LRRTM4: variants seen among roughly 807,000 people sequenced by gnomAD.
LRRTM4 encodes the protein leucine rich repeat transmembrane neuronal 4, also known as leucine-rich repeat transmembrane neuronal protein 4.
In LRRTM4, 25 loss-of-function variants were observed where a neutral mutation model predicts 47.6. The observed-to-expected ratio is 0.53, with a 90% CI of 0.38 to 0.73. The LOEUF is 0.73. Ranked by LOEUF, LRRTM4 falls within the 30% of genes least tolerant of loss-of-function variation. LRRTM4 has a pLI of 0.00. For missense variants in LRRTM4, 638 were observed against 713.4 expected, an observed-to-expected ratio of 0.89 and a Z score of 1.20; for synonymous variants, 311 against 269.5, an observed-to-expected ratio of 1.15 and a Z score of -1.51.
intron 3 of LRRTM4, among the ~76,000 whole-genome samples, chr2:77,173,290 C>T (rs903061263): frequency 1.3e-5 from 2 of 152,108 alleles, no homozygotes; most frequent in Admixed American, 1.3e-4. Flanking sequence ...CAGTAAAATA[C>T]CATCTCAAGA....
chr2:77,370,466 A>T (rs1672618350), intron 3 of LRRTM4, among the ~76,000 whole-genome samples: 1 of 151,768 alleles, frequency 6.6e-6, no homozygotes, highest in African/African-American at 2.4e-5. Context: ...TGAGGAAAAT[A>T]GAGCATTGTT....
intron 3 of LRRTM4, among the ~76,000 whole-genome samples, chr2:76,907,936 C>G (rs1016557266): frequency 2.0e-5 from 3 of 149,438 alleles, no homozygotes; most frequent in Non-Finnish European, 4.4e-5. Flanking sequence ...TGGTACCATT[C>G]CTTCTGAAAC....
intron 3 of LRRTM4, among the ~76,000 whole-genome samples, chr2:76,843,471 G>C (rs1466022510): frequency 6.6e-6 from 1 of 152,126 alleles, no homozygotes. Context: ...GGAGCAAAAG[G>C]TCAGTTGCTT....
intron 3 of LRRTM4, among the ~76,000 whole-genome samples, chr2:76,856,687 T>TA (rs1294564312): frequency 9.9e-5 from 15 of 152,242 alleles, no homozygotes; most frequent in Admixed American, 6.5e-4. Flanking sequence ...TTATTGCCAT[T>TA]AAAAATAGCT....
chr2:77,263,063 G>A (rs1334959213), intron 3 of LRRTM4, among the ~76,000 whole-genome samples: 1 of 152,008 alleles, frequency 6.6e-6, no homozygotes. Context: ...AGGAGACAGG[G>A]GCTGAAGGTT....
At chr2:76,798,394 G>T (rs1031908960) in intron 3 of LRRTM4, among the ~76,000 whole-genome samples, 1 of 151,714 alleles carries the variant, frequency 6.6e-6, no homozygotes, top group Non-Finnish European at 1.5e-5. Context: ...GATGTTCTTT[G>T]AAACCAACGA....
At chr2:77,331,722 A>AC (rs1553429821) in intron 3 of LRRTM4, among the ~76,000 whole-genome samples, 1 of 151,924 alleles carries the variant, frequency 6.6e-6, no homozygotes, top group African/African-American at 2.4e-5. Context: ...GAGGTTCTAG[A>AC]TTTTTCCATC....
chr2:77,255,541 T>C (rs1292684892), intron 3 of LRRTM4, among the ~76,000 whole-genome samples: 2 of 151,924 alleles, frequency 1.3e-5, no homozygotes, highest in Admixed American at 6.6e-5. Flanking sequence ...CTTCAAAATA[T>C]TGAAACACAT....
intron 3 of LRRTM4, among the ~76,000 whole-genome samples, chr2:77,034,151 T>C (rs1474367144): frequency 6.6e-6 from 1 of 151,858 alleles, no homozygotes; most frequent in Non-Finnish European, 1.5e-5. Flanking sequence ...TTTTCAAAAT[T>C]TGGAAAATTT....
At chr2:76,897,473 G>A (rs1573275221) in intron 3 of LRRTM4, among the ~76,000 whole-genome samples, 1 of 152,086 alleles carries the variant, frequency 6.6e-6, no homozygotes, top group Non-Finnish European at 1.5e-5. Flanking sequence ...TATGGTATGT[G>A]CTATATAAGT....
At chr2:76,896,932 G>A (rs10520169) in intron 3 of LRRTM4, among the ~76,000 whole-genome samples, 4 of 150,880 alleles carry the variant, frequency 2.7e-5, no homozygotes, top group Admixed American at 6.7e-5. Context: ...TGTGAGTTAT[G>A]AATGTTTGAA....
In LRRTM4 at chr2:76,792,326, T is replaced by C. The variant is rs114800299; in HGVS notation, c.1552-43410A>G. Among the ~76,000 whole-genome samples the C allele has an allele frequency of 3.8e-3, 585 of 152,146 alleles. 4 individuals carry two copies. Among genetic ancestry groups the C allele is most frequent in the Middle Eastern group, 0.017 (5 of 294 alleles). ...CTGCCACTTTACACATTAAGTTAAA[T>C]ACCAACCCCCAGAGACCAGGAATAT... On this transcript the variant is annotated intron_variant, in intron 3 of 3. Transcript: ENST00000409884.
At chr2:77,520,701 A>T (rs2104137660) in intron 2 of LRRTM4, among the ~76,000 whole-genome samples, 1 of 152,264 alleles carries the variant, frequency 6.6e-6, no homozygotes, top group Admixed American at 6.5e-5. Context: ...AGGATAAACA[A>T]GGAAAGAAGC....
At position 77,519,687 on chromosome 2, in the gene LRRTM4, C is replaced by T; in HGVS notation, c.182G>A (p.Gly61Glu). ...AFADIPENIS[G>E]GSQGLSLRFN... is the part of the protein sequence containing the mutation. The stretch of plus-strand genomic sequence containing the variant: ...CCTTAATGATAAGCCTTGTGACCCT[C>T]CAGAAATGTTCTCAGGGATATCTGC... The change falls in exon 3 of 4, where the codon GGA becomes GAA. Residue 61 changes from glycine to glutamate, a missense_variant. Transcript: ENST00000409884. The surrounding 1 kb of genome is among the most constrained non-coding windows in gnomAD (Gnocchi z 4.6). 6.2e-7 allele frequency: 1 copy of T among 1,613,388 alleles called. No individual in the cohort carries two copies. The highest frequency in any genetic ancestry group is 8.5e-7 in the Non-Finnish European group (1 of 1,179,594).
chr2:76,800,266 T>C (rs1270287978), intron 3 of LRRTM4, among the ~76,000 whole-genome samples: 1 of 148,994 alleles, frequency 6.7e-6, no homozygotes, highest in East Asian at 2.0e-4. Flanking sequence ...TATAGATCAA[T>C]GGAACAGAAC....
chr2:76,924,983 CCT>C lies in LRRTM4; in HGVS notation c.1552-176069_1552-176068del, dbSNP rs1674544026. On this transcript the variant is annotated intron_variant, in intron 3 of 3. Transcript: ENST00000409884. ...ATTGACACGTGCCTTTGTCTTATCCCCTGTTCTTGGGTGAGAGAGACTTGTAA... is the reference window on the plus strand; with the variant it reads ...ATTGACACGTGCCTTTGTCTTATCCCGTTCTTGGGTGAGAGAGACTTGTAA... Among the ~76,000 whole-genome samples the C allele has an allele frequency of 2.0e-5, 3 of 152,206 alleles. No homozygotes were observed. In the South Asian group the frequency reaches 6.2e-4, roughly 32 times the overall value.
chr2:76,894,579 AAGT>A (rs1231540917), intron 3 of LRRTM4, among the ~76,000 whole-genome samples: 1 of 152,022 alleles, frequency 6.6e-6, no homozygotes, highest in African/African-American at 2.4e-5. Context: ...ATACTTTGAA[AAGT>A]CATGTTAATG....
At chr2:76,824,687 A>G (rs1039029156) in intron 3 of LRRTM4, among the ~76,000 whole-genome samples, 4 of 149,928 alleles carry the variant, frequency 2.7e-5, no homozygotes, top group Non-Finnish European at 5.9e-5. Flanking sequence ...CAACCAGTTA[A>G]TACTGATTTG....
intron 3 of LRRTM4, among the ~76,000 whole-genome samples, chr2:77,200,124 C>A (rs898442813): frequency 6.6e-6 from 1 of 151,994 alleles, no homozygotes; most frequent in Non-Finnish European, 1.5e-5. Context: ...TCCCAACATA[C>A]TTGGCCATGG....
Sources: gnomAD v4.1 joint callset for allele counts (sites outside exome capture counted in the v4.1 genomes callset) on GRCh38, gnomAD v4.1.1 for gene constraint, Gnocchi (gnomAD v3.1) non-coding constraint, MANE v1.5 for transcripts, NCBI Gene and HGNC (gene_info 2026-07-23, HGNC 2026-07-21) for gene names.